Variants in COL5A2 observed in about 807,000 individuals in gnomAD.
COL5A2 encodes the protein collagen type V alpha 2 chain.
Under a neutral mutation model 208.2 loss-of-function variants are expected in COL5A2, and 23 were observed. The observed-to-expected ratio is 0.11, with a 90% CI of 0.08 to 0.16. The LOEUF is 0.16. COL5A2 is among the 10% of genes least tolerant of loss of function. The pLI is 1.00. For missense variants in COL5A2, 1,590 were observed against 1,956.4 expected (o/e 0.81, Z 3.53); for synonymous variants, 625 against 628.5 (o/e 0.99, Z 0.08).
At chr2:189,253,697 AT>A in the COL5A2 span, among the ~76,000 whole-genome samples, 1 of 152,204 alleles carries the variant, frequency 6.6e-6, no homozygotes. Flanking sequence ...GCTTTAACAC[AT>A]TTTAGATTTC....
At chr2:189,417,117 A>G in the COL5A2 span, among the ~76,000 whole-genome samples, 10 of 152,252 alleles carry the variant, frequency 6.6e-5, no homozygotes, top group East Asian at 1.9e-3. Context: ...CTAAATTTTA[A>G]ACGTTCTTCT....
At chr2:189,207,921 C>T (rs1032847507) in intron 1 of COL5A2, among the ~76,000 whole-genome samples, 33 of 152,270 alleles carry the variant, frequency 2.2e-4, no homozygotes, top group African/African-American at 6.0e-4. Context: ...TGGGGTCATC[C>T]GCTTTGACTC....
chr2:189,278,580 G>A, the COL5A2 span, among the ~76,000 whole-genome samples: 11 of 151,926 alleles, frequency 7.2e-5, no homozygotes, highest in Non-Finnish European at 1.5e-5. Context: ...TCTAACATTA[G>A]ATTTTTCTTA....
At position 189,036,686 on chromosome 2, in the gene COL5A2, G is replaced by C; in HGVS notation, c.4043C>G (p.Thr1348Ser). Reference protein sequence around the residue: ...SANPSSVPRKTWWASKSPDNK... With the variant: ...SANPSSVPRKSWWASKSPDNK... ...GTCAGGAGATTTACTGGCCCACCAG[G>C]TTTTACGTGGTACACTGGATGGGTT... The change falls in exon 52 of 54, where the codon ACC becomes AGC. Residue 1348 changes from threonine (T) to serine (S), a missense_variant. Thr to Ser is a moderately conservative substitution (Grantham distance 58). Coordinates refer to ENST00000374866, the MANE Select transcript of COL5A2 (RefSeq NM_000393.5). The C allele has an allele frequency of 6.2e-7, 1 of 1,613,782 alleles. No individual in the cohort carries two copies. Among genetic ancestry groups the C allele is most frequent in the South Asian group, 1.1e-5 (1 of 91,070 alleles).
chr2:189,431,397 G>A, the COL5A2 span, among the ~76,000 whole-genome samples: 7 of 152,216 alleles, frequency 4.6e-5, no homozygotes, highest in South Asian at 2.1e-4. Context: ...ACACTTCTCC[G>A]ATCTAAAAGA....
chr2:189,059,585 G>GTTTTTTTTTTCTTTTTTTTT (rs1685979315), intron 31 of COL5A2, among the ~76,000 whole-genome samples: 1 of 28,594 alleles, frequency 3.5e-5, no homozygotes, highest in Non-Finnish European at 7.4e-5. Flanking sequence ...TTCTTTTCTG[G>GTTTTTTTTTTCTTTTTTTTT]TTTTTTTTTT....
chr2:189,300,153 C>G, the COL5A2 span, among the ~76,000 whole-genome samples: 1 of 152,172 alleles, frequency 6.6e-6, no homozygotes, highest in African/African-American at 2.4e-5. Flanking sequence ...CACTTACAGT[C>G]TTCTGACTGA....
intron 1 of COL5A2, among the ~76,000 whole-genome samples, chr2:189,134,173 T>C (rs1276323660): frequency 1.3e-5 from 2 of 152,202 alleles, no homozygotes; most frequent in Middle Eastern, 3.2e-3. Flanking sequence ...CAGAACCTTA[T>C]GCATTCTCAC....
At chr2:189,040,658 A>ATT (rs199978925) in intron 50 of COL5A2, among the ~76,000 whole-genome samples, 1 of 151,618 alleles carries the variant, frequency 6.6e-6, no homozygotes, top group Non-Finnish European at 1.5e-5. Context: ...CTGTTACATA[A>ATT]TTTTTTTTTC....
chr2:189,254,680 C>T, the COL5A2 span, among the ~76,000 whole-genome samples: 1 of 152,220 alleles, frequency 6.6e-6, no homozygotes, highest in African/African-American at 2.4e-5. Flanking sequence ...ATACAACATT[C>T]ACCCTGACAT....
intron 43 of COL5A2, among the ~76,000 whole-genome samples, 162 bp from the exon 44 acceptor site, chr2:189,049,616 T>C (rs1685741791): frequency 6.6e-6 from 1 of 152,220 alleles, no homozygotes; most frequent in Non-Finnish European, 1.5e-5. Context: ...CTTAGAGGCC[T>C]GCCCACCTCC....
intron 9 of COL5A2, among the ~76,000 whole-genome samples, chr2:189,086,067 A>G (rs776475877): frequency 1.3e-5 from 2 of 152,182 alleles, no homozygotes; most frequent in Non-Finnish European, 2.9e-5. Flanking sequence ...AGTTCTCCTC[A>G]TCAACATCAT....
At chr2:189,253,588 T>C in the COL5A2 span, among the ~76,000 whole-genome samples, 1 of 152,258 alleles carries the variant, frequency 6.6e-6, no homozygotes, top group African/African-American at 2.4e-5. Flanking sequence ...TTTACCTTTA[T>C]TGAACCATTC....
chr2:189,350,378 T>A, the COL5A2 span, among the ~76,000 whole-genome samples: 5,540 of 152,258 alleles, frequency 0.036, 118 homozygotes, highest in Admixed American at 0.05. Context: ...TTTAAAACTT[T>A]AAGACATAGA....
chr2:189,100,125 T>C lies in COL5A2; in HGVS notation c.351A>G (p.Glu117=), dbSNP rs757608152. 10 of 1,611,340 alleles carry C rather than the reference T, an allele frequency of 6.2e-6. No homozygotes were observed. The South Asian group carries it at 9.9e-5, about 16-fold the overall frequency. Reference sequence around the variant, plus strand: ...TACTTACAACAGGCACTAATCCTGGTTCTCCCTTTTGTCCCTGTGACATTA... The same window carrying C: ...TACTTACAACAGGCACTAATCCTGGCTCTCCCTTTTGTCCCTGTGACATTA... ...FGRGRKGQKG[E]PGLVPVVTGI... The change falls in exon 4 of 54, where the codon GAA becomes GAG. Residue 117 remains glutamate, a synonymous_variant. Coordinates refer to ENST00000374866, the MANE Select transcript of COL5A2 (RefSeq NM_000393.5).
At chr2:189,424,464 TAAAC>T in the COL5A2 span, among the ~76,000 whole-genome samples, 1 of 152,134 alleles carries the variant, frequency 6.6e-6, no homozygotes, top group Non-Finnish European at 1.5e-5. Context: ...TTATAACTAA[TAAAC>T]AAATTCAGTA....
chr2:189,104,346 A>G (rs924054341), intron 2 of COL5A2, 69 bp from the exon 3 acceptor site: 7 of 1,044,336 alleles, frequency 6.7e-6, no homozygotes, highest in Non-Finnish European at 9.0e-6. Context: ...CTAAATATTT[A>G]CTTTCAATAA....
chr2:189,104,080 G>T (rs1687102657), intron 3 of COL5A2, among the ~76,000 whole-genome samples, 184 bp downstream of exon 3: 1 of 148,530 alleles, frequency 6.7e-6, no homozygotes, highest in South Asian at 2.2e-4. Flanking sequence ...AAAGTGAATG[G>T]TTAAGAGGCA....
chr2:189,069,861 T>C lies in COL5A2; in HGVS notation c.1159-977A>G, dbSNP rs140694781. 2.1e-3 allele frequency among the ~76,000 whole-genome samples: 327 copies of C among 152,306 alleles called. 1 individual carries two copies. Among genetic ancestry groups the C allele is most frequent in the African/African-American group, 7.6e-3 (317 of 41,580 alleles). On this transcript the variant is annotated intron_variant, in intron 18 of 53. Coordinates refer to ENST00000374866, the MANE Select transcript of COL5A2 (RefSeq NM_000393.5). ...GCATTTATCAGTAAAGTGAAAAACA[T>C]CTGGGCTACAACTTTATTTAAGTCT... is the stretch of plus-strand genomic sequence containing the variant.
Sources: allele counts gnomAD v4.1 joint callset (sites outside exome capture counted in the v4.1 genomes callset), GRCh38; gene constraint gnomAD v4.1.1; transcripts MANE v1.5; gene names NCBI Gene and HGNC (gene_info 2026-07-23, HGNC 2026-07-21).